NUP93: variants seen among roughly 807,000 people sequenced by gnomAD.
NUP93 encodes the protein nucleoporin 93, also known as nuclear pore complex protein Nup93.
In NUP93, 55 loss-of-function variants were observed where a neutral mutation model predicts 107.8. The ratio of observed to expected loss-of-function variants is 0.51; its 90% CI spans 0.41 to 0.64. The LOEUF is 0.64. Ranked by LOEUF, NUP93 falls within the 30% of genes least tolerant of loss-of-function variation. NUP93 has a pLI of 0.00. For missense variants in NUP93, 937 were observed against 1,044.7 expected (o/e 0.90, Z 1.42); for synonymous variants, 390 against 397.5 (o/e 0.98, Z 0.22).
intron 19 of NUP93, 36 bp downstream of exon 19, chr16:56,839,105 A>G: frequency 7.1e-7 from 1 of 1,412,456 alleles, no homozygotes; most frequent in Non-Finnish European, 1.0e-6. Context: ...GTGCAGGTTA[A>G]TGTACACCCT....
At chr16:56,838,873 A>G in intron 18 of NUP93, 79 bp from the exon 19 acceptor site, 1 of 969,436 alleles carries the variant, frequency 1.0e-6, no homozygotes, top group African/African-American at 1.6e-5. Context: ...CTGTTTTTTT[A>G]AATGCTATTC....
intron 2 of NUP93, among the ~76,000 whole-genome samples, chr16:56,748,763 T>G (rs1298030682): frequency 6.6e-6 from 1 of 152,144 alleles, no homozygotes; most frequent in Non-Finnish European, 1.5e-5. Flanking sequence ...GCTCCCGTTA[T>G]GTTAATACGT....
chr16:56,775,831 C>T (rs1365894325), intron 3 of NUP93, among the ~76,000 whole-genome samples: 2 of 152,190 alleles, frequency 1.3e-5, no homozygotes, highest in African/African-American at 2.4e-5. Flanking sequence ...CCACCCCTCC[C>T]TTGCCATGGT....
intron 16 of NUP93, among the ~76,000 whole-genome samples, chr16:56,835,190 T>C (rs1353543752): frequency 2.6e-5 from 4 of 152,158 alleles, no homozygotes; most frequent in Non-Finnish European, 5.9e-5. Context: ...TTCCAAGGGC[T>C]TTGAACTCCA....
rs867698664 is a variant in NUP93 at position 56,774,903 on chromosome 16, G to T, written c.297+16248G>T. Among the ~76,000 whole-genome samples, 232 of 138,374 alleles carry T rather than the reference G, an allele frequency of 1.7e-3. 2 individuals carry two copies. The highest frequency in any genetic ancestry group is 4.1e-3 in the African/African-American group (154 of 37,752). 90.8% of individuals were successfully genotyped at this position (138,374 alleles called of 152,430 possible). On this transcript the variant is annotated intron_variant, in intron 3 of 21. Transcript: ENST00000308159. ...TAAGGTTTTTTTTGTTTTTGTTTTT[G>T]TTTTTTTTTTTTTTGAGACAGAGTC...
At chr16:56,828,834 C>A in intron 8 of NUP93, 143 bp from the exon 9 acceptor site, 4 of 744,552 alleles carry the variant, frequency 5.4e-6, no homozygotes, top group Non-Finnish European at 6.5e-6. Context: ...CTTCATTAAG[C>A]ATGTACTATT....
chr16:56,790,004 G>C (rs1281072938), intron 3 of NUP93, among the ~76,000 whole-genome samples: 2 of 152,186 alleles, frequency 1.3e-5, no homozygotes, highest in Non-Finnish European at 2.9e-5. Flanking sequence ...GGCTGAGGCA[G>C]GAGAATTGCT....
chr16:56,783,736 T>G (rs1962564507), intron 3 of NUP93: 1 of 985,292 alleles, frequency 1.0e-6, no homozygotes, highest in Admixed American at 6.2e-5. Flanking sequence ...GCAAGGCCAT[T>G]TCATTTACAT....
chr16:56,744,155 G>A (rs7193072), intron 1 of NUP93, among the ~76,000 whole-genome samples: 46,558 of 152,012 alleles, frequency 0.31, 7,438 homozygotes, highest in East Asian at 0.46. Context: ...GTTCCCCAAG[G>A]ATGCAGCTGG....
chr16:56,826,055 G>A (rs1009520123), intron 8 of NUP93, among the ~76,000 whole-genome samples: 3 of 152,102 alleles, frequency 2.0e-5, no homozygotes, highest in Non-Finnish European at 2.9e-5. Context: ...CAAGATTTGA[G>A]GCATGATATA....
At position 56,838,804 on chromosome 16, in the gene NUP93, A is replaced by G. The variant is rs547002874; in HGVS notation, c.2019-148A>G. The stretch of plus-strand genomic sequence containing the variant: ...GGTCACTGACTCCTGGCCTCAAGCA[A>G]TCCTTCCGCCCCAGCCTCCCATGTA... On this transcript the variant is annotated intron_variant, in intron 18 of 21. Transcript: ENST00000308159. 1.7e-4 allele frequency: 115 copies of G among 658,568 alleles called. No individual in the cohort carries two copies. The East Asian group carries it at 1.8e-3, about 10-fold the overall frequency. The allele number at this position is 658,568 out of a possible 1,614,324, so 40.8% of individuals were successfully genotyped here. A position where few individuals can be genotyped will look rare whatever the true frequency, so the allele number is the denominator to read the frequency against.
chr16:56,731,202 C>T (rs192197936), intron 1 of NUP93, among the ~76,000 whole-genome samples: 86 of 152,184 alleles, frequency 5.7e-4, no homozygotes, highest in Middle Eastern at 6.8e-3. Context: ...TTTATCCAGC[C>T]ACCCACTTAA....
In NUP93 at chr16:56,780,530, C is replaced by T. The variant is rs1024314118; in HGVS notation, c.298-17946C>T. On this transcript the variant is annotated intron_variant, in intron 3 of 21. Transcript: ENST00000308159. The stretch of plus-strand genomic sequence containing the variant: ...TAAGGCAGAAATGTCTGAAACATCT[C>T]AACTCTGGGTATTTATTTAATTGGC... 7.2e-5 allele frequency among the ~76,000 whole-genome samples: 11 copies of T among 152,244 alleles called. No individual in the cohort carries two copies. The South Asian group carries it at 2.3e-3, about 32-fold the overall frequency.
At position 56,841,850 on chromosome 16, in the gene NUP93, C is replaced by A. The variant is rs753969373; in HGVS notation, c.2349+17C>A. ...CGCGACTCTGTAAGATCCCAGCATT[C>A]GCGAGAAACATTGCTAAGCACCACC... On this transcript the variant is annotated intron_variant, in intron 21 of 21. Transcript: ENST00000308159. 1 of 1,613,332 alleles carries A rather than the reference C, an allele frequency of 6.2e-7. No individual in the cohort carries two copies. The highest frequency in any genetic ancestry group is 8.5e-7 in the Non-Finnish European group (1 of 1,179,626).
intron 20 of NUP93, among the ~76,000 whole-genome samples, chr16:56,840,996 C>CAAAA (rs11428485): frequency 6.1e-5 from 6 of 98,228 alleles, no homozygotes; most frequent in African/African-American, 2.5e-4. Context: ...GACTTTGTCT[C>CAAAA]AAAAAAAAAA....
Position 56,844,476 on chromosome 16 carries a change from C to G in NUP93, c.2350-23C>G, listed in dbSNP as rs201102614. The G allele has an allele frequency of 5.1e-5, 70 of 1,360,186 alleles. 2 individuals are homozygous for G. The African/African-American group carries it at 8.5e-4, about 17-fold the overall frequency. 84.3% of individuals were successfully genotyped at this position (1,360,186 alleles called of 1,614,324 possible). A position where few individuals can be genotyped will look rare whatever the true frequency, so the allele number is the denominator to read the frequency against. ...GACTCGAAAGTTAACCGATTTCCTT[C>G]CCTTCCTTCCCTTCTCTCTCAGCAA... On this transcript the variant is annotated intron_variant, in intron 21 of 21. Transcript: ENST00000308159.
At chr16:56,788,853 TG>T (rs776931129) in intron 3 of NUP93, among the ~76,000 whole-genome samples, 2 of 152,218 alleles carry the variant, frequency 1.3e-5, no homozygotes, top group Non-Finnish European at 2.9e-5. Context: ...CATGCATCTC[TG>T]GTCTCCTCAG....
At chr16:56,790,497 G>T (rs1464342998) in intron 3 of NUP93, among the ~76,000 whole-genome samples, 1 of 152,140 alleles carries the variant, frequency 6.6e-6, no homozygotes, top group Non-Finnish European at 1.5e-5. Context: ...AAGCCCAGAG[G>T]CTCTCCAGGT....
chr16:56,755,040 A>G (rs555576053), intron 2 of NUP93, among the ~76,000 whole-genome samples: 2 of 152,320 alleles, frequency 1.3e-5, no homozygotes, highest in East Asian at 3.9e-4. Flanking sequence ...GCTGGTGGGA[A>G]TGTAAAATGG....
Sources: gnomAD v4.1 joint callset for allele counts (sites outside exome capture counted in the v4.1 genomes callset) on GRCh38, gnomAD v4.1.1 for gene constraint, MANE v1.5 for transcripts, NCBI Gene and HGNC (gene_info 2026-07-23, HGNC 2026-07-21) for gene names.